Variants in NRXN3 observed in about 807,000 individuals in gnomAD.
NRXN3 encodes the protein neurexin 3.
Under a neutral mutation model 137.6 loss-of-function variants are expected in NRXN3, and 32 were observed. That is an observed-to-expected ratio of 0.23 (90% CI 0.18 to 0.31). The LOEUF is 0.31. Among genes scored for constraint, NRXN3 ranks in the 10% least tolerant of loss-of-function variants. NRXN3 has a pLI of 1.00. For synonymous variants in NRXN3, 798 were observed against 784.5 expected (o/e 1.02, Z -0.29); for missense variants, 1,574 against 2,062.5 (o/e 0.76, Z 4.59).
chr14:78,756,915 C>T (rs1166321403), intron 8 of NRXN3, among the ~76,000 whole-genome samples: 2 of 152,148 alleles, frequency 1.3e-5, no homozygotes, highest in Admixed American at 6.5e-5. Context: ...GAAGGGAAAG[C>T]GAATGCTGTT....
intron 20 of NRXN3, among the ~76,000 whole-genome samples, chr14:79,811,750 T>A (rs1009880529): frequency 3.3e-5 from 5 of 151,586 alleles, no homozygotes; most frequent in Non-Finnish European, 7.4e-5. Context: ...CCCGGCTAAT[T>A]TTTTTCTATT....
chr14:79,086,632 G>C (rs2048162267), intron 15 of NRXN3, among the ~76,000 whole-genome samples: 1 of 152,186 alleles, frequency 6.6e-6, no homozygotes, highest in African/African-American at 2.4e-5. Context: ...TATGAGGTCA[G>C]TATTTAATGA....
chr14:79,496,107 G>A (rs751592134), intron 16 of NRXN3, among the ~76,000 whole-genome samples: 81 of 152,138 alleles, frequency 5.3e-4, no homozygotes, highest in Non-Finnish European at 9.7e-4. Context: ...GTTCTGGAAG[G>A]AGGAGTGCTT....
intron 10 of NRXN3, among the ~76,000 whole-genome samples, chr14:78,908,460 C>CTCCCACCAGTCTTT (rs1259615453): frequency 1.3e-5 from 2 of 152,050 alleles, no homozygotes; most frequent in Non-Finnish European, 2.9e-5. Context: ...GAACTTCCTC[C>CTCCCACCAGTCTTT]TCCCACCAGT....
intron 4 of NRXN3, among the ~76,000 whole-genome samples, chr14:78,565,453 T>C (rs567894273): frequency 2.0e-5 from 3 of 152,316 alleles, no homozygotes; most frequent in South Asian, 4.1e-4. Flanking sequence ...GTCTTGATCA[T>C]TGGGTGAAGG....
chr14:78,759,357 A>G (rs1401398512), intron 8 of NRXN3, among the ~76,000 whole-genome samples: 2 of 152,242 alleles, frequency 1.3e-5, no homozygotes, highest in Non-Finnish European at 2.9e-5. Context: ...CTCTTTTGAT[A>G]TGTCCAACAA....
At chr14:79,159,754 T>C (rs72688914) in intron 15 of NRXN3, among the ~76,000 whole-genome samples, 11,903 of 151,962 alleles carry the variant, frequency 0.078, 613 homozygotes, top group Non-Finnish European at 0.11. Flanking sequence ...GAATTTGTAT[T>C]GCTCTGATAG....
chr14:79,177,764 C>T (rs1039796201), intron 15 of NRXN3, among the ~76,000 whole-genome samples: 9 of 151,908 alleles, frequency 5.9e-5, no homozygotes, highest in East Asian at 1.9e-4. Context: ...TAAATGGTAA[C>T]GAAAATGAGA....
chr14:78,557,473 A>T (rs2096749843), intron 4 of NRXN3, among the ~76,000 whole-genome samples: 1 of 152,158 alleles, frequency 6.6e-6, no homozygotes, highest in Admixed American at 6.6e-5. Context: ...GCCTTGAACA[A>T]TTCACTCAAC....
At position 78,233,726 on chromosome 14, in the gene NRXN3, T is replaced by TGGACACTGCTCCTGC. The variant is rs1180451879; in HGVS notation, c.-703-8664_-703-8650dup. Reference sequence around the variant, plus strand: ...AAAAAAAGAATGCTTCCTACTCCTGTGGACACTGCTCCTGCCACTGCTGCA... The same window carrying TGGACACTGCTCCTGC: ...AAAAAAAGAATGCTTCCTACTCCTGTGGACACTGCTCCTGCGGACACTGCTCCTGCCACTGCTGCA... On this transcript the variant is annotated intron_variant, in intron 1 of 20. Coordinates refer to ENST00000335750, the MANE Select transcript of NRXN3 (RefSeq NM_001330195.2). Among the ~76,000 whole-genome samples, 125 of 149,380 alleles carry TGGACACTGCTCCTGC rather than the reference T, an allele frequency of 8.4e-4. 5 individuals are homozygous for TGGACACTGCTCCTGC. The highest frequency in any genetic ancestry group is 5.2e-4 in the Non-Finnish European group (35 of 67,524).
intron 10 of NRXN3, among the ~76,000 whole-genome samples, chr14:78,945,987 A>G (rs1004904931): frequency 6.6e-6 from 1 of 152,250 alleles, no homozygotes; most frequent in South Asian, 2.1e-4. Context: ...AATGCCTGAC[A>G]TAAGAGGCAG....
intron 8 of NRXN3, among the ~76,000 whole-genome samples, chr14:78,730,021 A>T (rs2098507318): frequency 6.6e-6 from 1 of 152,198 alleles, no homozygotes; most frequent in African/African-American, 2.4e-5. Context: ...ATAACAAGTT[A>T]GGATTTTCGT....
chr14:79,293,771 A>C (rs888820755), intron 15 of NRXN3, among the ~76,000 whole-genome samples: 2 of 152,204 alleles, frequency 1.3e-5, no homozygotes, highest in East Asian at 3.9e-4. Flanking sequence ...TCACCCCCTC[A>C]CGGGGTCTCC....
At chr14:79,179,254 A>T (rs931728999) in intron 15 of NRXN3, among the ~76,000 whole-genome samples, 1 of 152,162 alleles carries the variant, frequency 6.6e-6, no homozygotes, top group African/African-American at 2.4e-5. Flanking sequence ...CAACAACAAA[A>T]AATTCTCCCT....
chr14:79,639,859 C>T (rs975054349), intron 16 of NRXN3, among the ~76,000 whole-genome samples: 3 of 152,044 alleles, frequency 2.0e-5, no homozygotes, highest in Admixed American at 2.0e-4. Flanking sequence ...CTTCTGTTTC[C>T]GATAATAAAT....
At chr14:79,848,086 A>T (rs993151410) in intron 20 of NRXN3, among the ~76,000 whole-genome samples, 2 of 152,210 alleles carry the variant, frequency 1.3e-5, no homozygotes, top group Non-Finnish European at 2.9e-5. Context: ...ATACAAAAAA[A>T]TAGCACATCT....
chr14:78,974,856 A>G (rs1160037157), intron 14 of NRXN3, among the ~76,000 whole-genome samples: 1 of 152,190 alleles, frequency 6.6e-6, no homozygotes, highest in Non-Finnish European at 1.5e-5. Context: ...AGGGTAGTGA[A>G]GATATATGAC....
At chr14:79,782,368 T>G (rs2099116407) in intron 19 of NRXN3, among the ~76,000 whole-genome samples, 1 of 152,180 alleles carries the variant, frequency 6.6e-6, no homozygotes, top group East Asian at 1.9e-4. Flanking sequence ...GTTCTGTCTT[T>G]GTCACAACTA....
chr14:78,338,377 G>C (rs1238923142), intron 4 of NRXN3, among the ~76,000 whole-genome samples: 2 of 152,210 alleles, frequency 1.3e-5, no homozygotes, highest in Admixed American at 6.5e-5. Context: ...AATTCCTATT[G>C]AACAGAGCAG....
Sources: gnomAD v4.1 joint callset for allele counts (sites outside exome capture counted in the v4.1 genomes callset) on GRCh38, gnomAD v4.1.1 for gene constraint, MANE v1.5 for transcripts, NCBI Gene and HGNC (gene_info 2026-07-23, HGNC 2026-07-21) for gene names.